The following SH3BGRL2 variants were observed in gnomAD, a reference collection of about 807,000 sequenced individuals.
SH3BGRL2 encodes SH3 domain-binding glutamic acid-rich-like protein 2.
SH3BGRL2 carries 21 observed loss-of-function variants against 14.8 expected under a neutral mutation model. That is an observed-to-expected ratio of 1.42 (90% CI 1.01 to 2.05). The LOEUF (loss-of-function observed/expected upper bound fraction) is 2.05, where lower values mean the gene tolerates loss of function less well. SH3BGRL2 is among the 30% of genes most tolerant of loss of function. The pLI is 0.00. For synonymous variants in SH3BGRL2, 50 were observed against 47.8 expected, an observed-to-expected ratio of 1.05 and a Z score of -0.19; for missense variants, 147 against 130.8, an observed-to-expected ratio of 1.12 and a Z score of -0.61.
the SH3BGRL2 span, among the ~76,000 whole-genome samples, chr6:79,590,422 GTGATATAT>G: frequency 4.3e-5 from 2 of 46,486 alleles, no homozygotes; most frequent in Non-Finnish European, 7.4e-5. Context: ...TAAAGAAAAT[GTGATATAT>G]ATATATATAT....
At chr6:79,651,151 GA>G (rs1253544038) in intron 1 of SH3BGRL2, among the ~76,000 whole-genome samples, 1 of 152,056 alleles carries the variant, frequency 6.6e-6, no homozygotes, top group Non-Finnish European at 1.5e-5. Context: ...CATTGATAAG[GA>G]CATGGCCTTT....
intron 1 of SH3BGRL2, among the ~76,000 whole-genome samples, chr6:79,632,958 G>T (rs1240255073): frequency 2.0e-5 from 3 of 152,188 alleles, no homozygotes; most frequent in East Asian, 3.9e-4. Flanking sequence ...ATTATGGAAG[G>T]AATGGTTTTT....
the SH3BGRL2 span, among the ~76,000 whole-genome samples, chr6:79,555,735 C>A: frequency 6.6e-6 from 1 of 152,148 alleles, no homozygotes; most frequent in Non-Finnish European, 1.5e-5. Flanking sequence ...GTCTCGATCT[C>A]CTGACCTCAT....
intron 3 of SH3BGRL2, 145 bp downstream of exon 3, chr6:79,696,710 A>G: frequency 1.8e-6 from 1 of 550,918 alleles, no homozygotes; most frequent in Non-Finnish European, 3.1e-6. Context: ...ATTAGAGACT[A>G]CCCAGTGTTA....
chr6:79,645,272 G>A (rs1293566366), intron 1 of SH3BGRL2, among the ~76,000 whole-genome samples: 1 of 152,070 alleles, frequency 6.6e-6, no homozygotes, highest in Non-Finnish European at 1.5e-5. Context: ...TTGCAAGTCT[G>A]AAACACCCTC....
intron 1 of SH3BGRL2, among the ~76,000 whole-genome samples, chr6:79,636,848 C>T (rs1330273605): frequency 6.6e-6 from 1 of 152,132 alleles, no homozygotes; most frequent in Non-Finnish European, 1.5e-5. Context: ...TTTATAAGGA[C>T]ACAGCCATAC....
At chr6:79,548,676 T>C in the SH3BGRL2 span, among the ~76,000 whole-genome samples, 5 of 152,290 alleles carry the variant, frequency 3.3e-5, no homozygotes, top group Admixed American at 2.6e-4. Flanking sequence ...GGCCCAACGC[T>C]GGATAGGCAC....
the SH3BGRL2 span, among the ~76,000 whole-genome samples, chr6:79,616,559 A>AT: frequency 6.6e-6 from 1 of 152,050 alleles, no homozygotes; most frequent in South Asian, 2.1e-4. Flanking sequence ...GATTAGGAAG[A>AT]TACGTCTCAG....
the SH3BGRL2 span, among the ~76,000 whole-genome samples, chr6:79,604,312 T>A: frequency 2.0e-5 from 3 of 152,372 alleles, no homozygotes; most frequent in South Asian, 6.2e-4. Flanking sequence ...GCTAGGAAGT[T>A]CAAAGCCACC....
the SH3BGRL2 span, chr6:79,561,401 A>G: frequency 6.6e-6 from 1 of 152,276 alleles, no homozygotes; most frequent in South Asian, 2.1e-4. Flanking sequence ...TGGTTGTACT[A>G]TATTGTAAAT....
At chr6:79,628,345 C>A (rs1205186904), upstream of SH3BGRL2, among the ~76,000 whole-genome samples, 1 of 150,654 alleles carries the variant, frequency 6.6e-6, no homozygotes, top group Admixed American at 6.6e-5. Context: ...ACTCCTCTTA[C>A]TCCCACAAAA....
At chr6:79,547,026 A>G in the SH3BGRL2 span, among the ~76,000 whole-genome samples, 1 of 152,222 alleles carries the variant, frequency 6.6e-6, no homozygotes, top group Non-Finnish European at 1.5e-5. Context: ...GGAATAAAGC[A>G]TTTGAGACAG....
At chr6:79,696,421 G>C (rs1770333089) in intron 2 of SH3BGRL2, 64 bp from the exon 3 acceptor site, 1 of 1,227,108 alleles carries the variant, frequency 8.1e-7, no homozygotes, top group Middle Eastern at 2.3e-4. Flanking sequence ...TTTGTTCAAA[G>C]TACCAAATAT....
chr6:79,612,374 A>G, the SH3BGRL2 span, among the ~76,000 whole-genome samples: 11,565 of 152,228 alleles, frequency 0.076, 631 homozygotes, highest in Non-Finnish European at 0.12. Flanking sequence ...ATTAAATTCT[A>G]TTCTCCCAAT....
chr6:79,586,860 T>C, the SH3BGRL2 span, among the ~76,000 whole-genome samples: 1 of 152,232 alleles, frequency 6.6e-6, no homozygotes, highest in Non-Finnish European at 1.5e-5. Context: ...TGCTTCTGAA[T>C]GGGTGCAGGA....
the SH3BGRL2 span, among the ~76,000 whole-genome samples, chr6:79,577,620 A>G: frequency 6.6e-6 from 1 of 152,232 alleles, no homozygotes; most frequent in Non-Finnish European, 1.5e-5. Context: ...TAAAGCTGCT[A>G]TATCTACATT....
At chr6:79,593,027 T>C in the SH3BGRL2 span, among the ~76,000 whole-genome samples, 5 of 152,176 alleles carry the variant, frequency 3.3e-5, no homozygotes, top group African/African-American at 4.8e-5. Flanking sequence ...TAAACCCTCT[T>C]GATGGTATAC....
At chr6:79,539,462 G>T in the SH3BGRL2 span, among the ~76,000 whole-genome samples, 1 of 152,132 alleles carries the variant, frequency 6.6e-6, no homozygotes, top group East Asian at 1.9e-4. Context: ...TAAAGATTTT[G>T]TTTATGAAAC....
the SH3BGRL2 span, among the ~76,000 whole-genome samples, chr6:79,559,478 G>A: frequency 6.6e-6 from 1 of 152,068 alleles, no homozygotes; most frequent in Non-Finnish European, 1.5e-5. Context: ...ATGAGAAATG[G>A]TCTATTAAAG....
Sources: allele counts gnomAD v4.1 joint callset (sites outside exome capture counted in the v4.1 genomes callset), GRCh38; gene constraint gnomAD v4.1.1; transcripts MANE v1.5; gene names NCBI Gene and HGNC (gene_info 2026-07-23, HGNC 2026-07-21).